The following SLC2A9 variants were observed in gnomAD, a reference collection of about 807,000 sequenced individuals.
SLC2A9 encodes the protein solute carrier family 2 member 9, also known as solute carrier family 2, facilitated glucose transporter member 9.
Under a neutral mutation model 50.6 loss-of-function variants are expected in SLC2A9, and 39 were observed. That is an observed-to-expected ratio of 0.77 (90% CI 0.60 to 1.01). The LOEUF is 1.01. Ranked by LOEUF, SLC2A9 falls within the 50% of genes least tolerant of loss-of-function variation. SLC2A9 has a pLI of 0.00. For synonymous variants in SLC2A9, 324 were observed against 276.9 expected (o/e 1.17, Z -1.69); for missense variants, 686 against 677.6 (o/e 1.01, Z -0.14).
rs149638708 is a variant in SLC2A9 at position 9,933,797 on chromosome 4, G to A, written c.814+8116C>T. 5.9e-5 allele frequency among the ~76,000 whole-genome samples: 9 copies of A among 152,252 alleles called. No individual in the cohort carries two copies. In the South Asian group the frequency reaches 1.0e-3, roughly 18 times the overall value. Reference sequence around the variant, plus strand: ...CTTCTGGAGGCTCTAGGGAGAATCCGCCTGCTTGTCTTTTCCAGCTCCTAT... The same window carrying A: ...CTTCTGGAGGCTCTAGGGAGAATCCACCTGCTTGTCTTTTCCAGCTCCTAT... On this transcript the variant is annotated intron_variant, in intron 6 of 11. Coordinates refer to ENST00000264784, the MANE Select transcript of SLC2A9 (RefSeq NM_020041.3).
intron 10 of SLC2A9, among the ~76,000 whole-genome samples, chr4:9,876,264 C>T (rs192365271): frequency 5.6e-4 from 85 of 152,312 alleles, no homozygotes; most frequent in African/African-American, 1.9e-3. Flanking sequence ...CTCTGGTTCC[C>T]TATCCCTACC....
At chr4:9,981,996 C>T (rs1421275034) in intron 4 of SLC2A9, among the ~76,000 whole-genome samples, 1 of 152,112 alleles carries the variant, frequency 6.6e-6, no homozygotes, top group African/African-American at 2.4e-5. Flanking sequence ...ATTCTCCTGC[C>T]TCAGCCTCCT....
chr4:9,829,886 G>C (rs1272144225), intron 11 of SLC2A9, among the ~76,000 whole-genome samples: 1 of 152,208 alleles, frequency 6.6e-6, no homozygotes, highest in Non-Finnish European at 1.5e-5. Flanking sequence ...AGCTTGCGGA[G>C]AAAAAGGAAT....
At chr4:9,953,318 C>A (rs1197123474) in intron 5 of SLC2A9, among the ~76,000 whole-genome samples, 1 of 152,236 alleles carries the variant, frequency 6.6e-6, no homozygotes, top group East Asian at 1.9e-4. Context: ...AGAGGTCCCA[C>A]ACTGTATCAT....
At chr4:9,950,892 C>CAAAAAAAAAAAAAAAA (rs764863059) in intron 5 of SLC2A9, among the ~76,000 whole-genome samples, 3 of 11,554 alleles carry the variant, frequency 2.6e-4, no homozygotes, top group Non-Finnish European at 4.5e-4. Context: ...GACTCCGTCT[C>CAAAAAAAAAAAAAAAA]AAAAAAAAAA....
At chr4:9,908,377 T>C in intron 7 of SLC2A9, 32 bp from the exon 8 acceptor site, 1 of 1,448,718 alleles carries the variant, frequency 6.9e-7, no homozygotes, top group Non-Finnish European at 9.7e-7. Context: ...GCAGAGAGAA[T>C]GGTCAGTGGA....
At chr4:10,014,207 C>G (rs151327188) in intron 2 of SLC2A9, among the ~76,000 whole-genome samples, 2 of 152,232 alleles carry the variant, frequency 1.3e-5, no homozygotes, top group African/African-American at 4.8e-5. Context: ...AAGCCCACTG[C>G]AAGGAGAAGA....
At chr4:9,878,371 G>A (rs1378775771) in intron 10 of SLC2A9, among the ~76,000 whole-genome samples, 2 of 152,076 alleles carry the variant, frequency 1.3e-5, no homozygotes, top group East Asian at 1.9e-4. Context: ...CAGCCTCTAA[G>A]GAAGGGAGAG....
chr4:9,856,730 T>G (rs551363148), intron 10 of SLC2A9, among the ~76,000 whole-genome samples: 2 of 152,186 alleles, frequency 1.3e-5, no homozygotes, highest in South Asian at 4.1e-4. Context: ...CCATTAACAG[T>G]AGACTGGATA....
At chr4:9,790,455 C>A (rs1025409831) in intron 3 of SLC2A9, among the ~76,000 whole-genome samples, 1 of 152,142 alleles carries the variant, frequency 6.6e-6, no homozygotes, top group African/African-American at 2.4e-5. Flanking sequence ...CTTGTAGGGG[C>A]TAACACATAT....
chr4:9,785,754 C>T (rs1279789192), intron 3 of SLC2A9, among the ~76,000 whole-genome samples: 1 of 152,208 alleles, frequency 6.6e-6, no homozygotes, highest in East Asian at 1.9e-4. Flanking sequence ...TGTCTTGGAA[C>T]ATTTATGTGA....
rs183263293 is a variant in SLC2A9, at chr4:10,018,994, A to C, written c.230T>G (p.Val77Gly). ...ACTCACCGGGGTGGGGGCATTCACC[A>C]CCGACAGGTTGTAGCCGTAGAGGAA... The part of the protein sequence containing the change: ...SSFLYGYNLS[V>G]VNAPTPYIKA... The change falls in exon 2 of 12, where the codon GTG becomes GGG. Residue 77 changes from valine to glycine, a missense_variant. Coordinates refer to ENST00000264784, the MANE Select transcript of SLC2A9 (RefSeq NM_020041.3). The C allele has an allele frequency of 1.3e-6, 2 of 1,550,064 alleles. 1 individual carries two copies. The highest frequency in any genetic ancestry group is 4.9e-5 in the East Asian group (2 of 40,906).
In SLC2A9 at chr4:9,785,981, G is replaced by A. The variant is rs1306783502; in HGVS notation, n.386-5916C>T. 4.6e-5 allele frequency among the ~76,000 whole-genome samples: 7 copies of A among 152,190 alleles called. No homozygotes were observed. The South Asian group carries it at 6.2e-4, about 14-fold the overall frequency. On this transcript the variant is annotated intron_variant and non_coding_transcript_variant, in intron 3 of 3. Transcript: ENST00000503803. ...GAAGAGAGACCTTGACGAAGTAAGG[G>A]TTGGAGGGCTGCTAATGTCTGGGAA...
intron 10 of SLC2A9, among the ~76,000 whole-genome samples, chr4:9,884,417 C>T (rs1479592895): frequency 1.3e-5 from 2 of 149,836 alleles, no homozygotes; most frequent in African/African-American, 2.5e-5. Flanking sequence ...ATTACAGGTA[C>T]ATTCCACTAC....
intron 5 of SLC2A9, among the ~76,000 whole-genome samples, chr4:9,972,505 A>G (rs1000308531): frequency 6.6e-6 from 1 of 152,226 alleles, no homozygotes; most frequent in African/African-American, 2.4e-5. Context: ...GCCTTCTAGC[A>G]GCCTACTCTA....
intron 10 of SLC2A9, among the ~76,000 whole-genome samples, chr4:9,878,330 T>C (rs1294832188): frequency 2.6e-5 from 4 of 152,036 alleles, no homozygotes; most frequent in Non-Finnish European, 5.9e-5. Context: ...CTGGCCATGC[T>C]TGGAGGGTTG....
At chr4:9,846,608 G>T (rs77171545) in intron 10 of SLC2A9, among the ~76,000 whole-genome samples, 1,590 of 152,222 alleles carry the variant, frequency 0.01, 36 homozygotes, top group African/African-American at 0.036. Context: ...CTCATTTAAT[G>T]AGCTATTTAA....
downstream of SLC2A9, among the ~76,000 whole-genome samples, chr4:9,822,753 T>C (rs766220372): frequency 2.4e-4 from 37 of 152,352 alleles, no homozygotes; most frequent in Admixed American, 1.1e-3. Flanking sequence ...CTCTGTGTAA[T>C]GCTTTGATTT....
At chr4:9,972,529 T>C (rs1578140929) in intron 5 of SLC2A9, among the ~76,000 whole-genome samples, 1 of 150,820 alleles carries the variant, frequency 6.6e-6, no homozygotes, top group Non-Finnish European at 1.5e-5. Flanking sequence ...GCCACCTTCG[T>C]CTACCACAGG....
Sources: allele counts gnomAD v4.1 joint callset (sites outside exome capture counted in the v4.1 genomes callset), GRCh38; gene constraint gnomAD v4.1.1; transcripts MANE v1.5; gene names NCBI Gene and HGNC (gene_info 2026-07-23, HGNC 2026-07-21).